The following RTN1 variants were observed in gnomAD, a reference collection of about 807,000 sequenced individuals.
The protein encoded by RTN1 is reticulon-1.
Under a neutral mutation model 65.5 loss-of-function variants are expected in RTN1, and 25 were observed. That is an observed-to-expected ratio of 0.38 (90% CI 0.28 to 0.53). The LOEUF is 0.53. Ranked by LOEUF, RTN1 falls within the 20% of genes least tolerant of loss-of-function variation. RTN1 has a pLI of 0.79. For synonymous variants in RTN1, 471 were observed against 447.6 expected (o/e 1.05, Z -0.66); for missense variants, 983 against 1,025.4 (o/e 0.96, Z 0.57).
intron 3 of RTN1, among the ~76,000 whole-genome samples, chr14:59,662,333 C>A (rs1566676607): frequency 6.9e-6 from 1 of 144,214 alleles, no homozygotes; most frequent in Non-Finnish European, 1.5e-5. Flanking sequence ...ACAACAGGCC[C>A]CGGTGTGTGA....
In RTN1 at chr14:59,635,643, C is replaced by T. The variant is rs182590856; in HGVS notation, c.1766-28151G>A. ...TATTTGTGTATTAAATATTTGTCAG[C>T]GGAAAAGAAAATAATTAGAATATAT... On this transcript the variant is annotated intron_variant, in intron 3 of 8. Transcript: ENST00000267484. 8.3e-3 allele frequency among the ~76,000 whole-genome samples: 1,259 copies of T among 151,402 alleles called. 15 individuals are homozygous for T. Among genetic ancestry groups the T allele is most frequent in the South Asian group, 0.026 (123 of 4,770 alleles).
rs1566710903 is a variant in RTN1 at position 59,749,148 on chromosome 14, ATC to A, written c.242-2669_242-2668del. On this transcript the variant is annotated intron_variant, in intron 1 of 8. Transcript: ENST00000267484. ...TAGATATATCTATATCTATCTATCTATCTATCTATATCTATCTATATATCTAT... is the reference window on the plus strand; with the variant it reads ...TAGATATATCTATATCTATCTATCTATATCTATATCTATCTATATATCTAT... Among the ~76,000 whole-genome samples the A allele has an allele frequency of 3.0e-4, 34 of 111,768 alleles. 1 individual carries two copies. Among genetic ancestry groups the A allele is most frequent in the African/African-American group, 1.3e-3 (29 of 23,032 alleles). 73.3% of individuals were successfully genotyped at this position (111,768 alleles called of 152,430 possible).
At chr14:59,631,055 G>A (rs1178104602) in intron 3 of RTN1, among the ~76,000 whole-genome samples, 2 of 152,188 alleles carry the variant, frequency 1.3e-5, no homozygotes, top group Non-Finnish European at 2.9e-5. Context: ...TGTTGCCACC[G>A]TTTACCTTTC....
intron 3 of RTN1, among the ~76,000 whole-genome samples, chr14:59,687,065 T>C (rs948659356): frequency 3.9e-5 from 6 of 151,900 alleles, no homozygotes; most frequent in African/African-American, 1.5e-4. Flanking sequence ...AGGCCCGGGG[T>C]GGGAGGAGAG....
At chr14:59,765,464 A>T (rs1019700347) in intron 1 of RTN1, among the ~76,000 whole-genome samples, 6 of 152,224 alleles carry the variant, frequency 3.9e-5, no homozygotes, top group Admixed American at 6.5e-5. Flanking sequence ...TCAGATAGTT[A>T]TTTGATTTCT....
intron 3 of RTN1, among the ~76,000 whole-genome samples, chr14:59,698,635 C>G (rs1354549655): frequency 6.6e-6 from 1 of 152,148 alleles, no homozygotes; most frequent in Non-Finnish European, 1.5e-5. Flanking sequence ...TAAGACGTGA[C>G]TTGCTCTTCC....
chr14:59,646,968 C>A (rs558320732), intron 3 of RTN1: 1 of 154,192 alleles, frequency 6.5e-6, no homozygotes, highest in East Asian at 1.9e-4. Context: ...GCTTCTTTAA[C>A]CAGCTTGTCA....
chr14:59,837,325 A>G (rs1887230340), intron 1 of RTN1, among the ~76,000 whole-genome samples: 1 of 151,950 alleles, frequency 6.6e-6, no homozygotes. Flanking sequence ...TTAAATGATA[A>G]AATGTAAAAA....
At chr14:59,768,465 G>A (rs1885891140) in intron 1 of RTN1, among the ~76,000 whole-genome samples, 3 of 152,138 alleles carry the variant, frequency 2.0e-5, no homozygotes, top group Admixed American at 2.0e-4. Context: ...GGAGGTAACT[G>A]GGGTGTGACT....
intron 1 of RTN1, among the ~76,000 whole-genome samples, chr14:59,775,567 C>A (rs1161158017): frequency 6.6e-6 from 1 of 152,132 alleles, no homozygotes; most frequent in Non-Finnish European, 1.5e-5. Flanking sequence ...CTCACTCAAT[C>A]CTTACAACAA....
At chr14:59,795,987 T>C (rs1886432039) in intron 1 of RTN1, among the ~76,000 whole-genome samples, 1 of 152,088 alleles carries the variant, frequency 6.6e-6, no homozygotes, top group Non-Finnish European at 1.5e-5. Flanking sequence ...CCAAGTACCA[T>C]GGGAGGTACT....
At chr14:59,655,259 A>G (rs1883099686) in intron 3 of RTN1, among the ~76,000 whole-genome samples, 1 of 152,228 alleles carries the variant, frequency 6.6e-6, no homozygotes, top group African/African-American at 2.4e-5. Context: ...AAGATGAGCA[A>G]AAGTCATACC....
At chr14:59,677,184 C>A (rs1195004071) in intron 3 of RTN1, among the ~76,000 whole-genome samples, 1 of 152,200 alleles carries the variant, frequency 6.6e-6, no homozygotes, top group East Asian at 1.9e-4. Context: ...TCCTTCTATA[C>A]CCATAGGTAC....
At chr14:59,717,628 G>T (rs1214294476) in intron 3 of RTN1, among the ~76,000 whole-genome samples, 2 of 152,170 alleles carry the variant, frequency 1.3e-5, no homozygotes, top group South Asian at 2.1e-4. Flanking sequence ...AGAGATGTTA[G>T]GTAGCATCCC....
At chr14:59,682,138 A>G (rs1260684533) in intron 3 of RTN1, among the ~76,000 whole-genome samples, 1 of 152,166 alleles carries the variant, frequency 6.6e-6, no homozygotes, top group African/African-American at 2.4e-5. Flanking sequence ...TACTTTCCAG[A>G]AAAATGGAAT....
At chr14:59,602,582 T>C (rs1881613923) in intron 8 of RTN1, among the ~76,000 whole-genome samples, 1 of 152,152 alleles carries the variant, frequency 6.6e-6, no homozygotes, top group African/African-American at 2.4e-5. Flanking sequence ...AATGGTGTGA[T>C]GTATTTAGTT....
intron 3 of RTN1, among the ~76,000 whole-genome samples, chr14:59,709,385 TGAGA>T (rs957627117): frequency 1.3e-5 from 2 of 152,324 alleles, no homozygotes; most frequent in African/African-American, 4.8e-5. Context: ...AAATCACAGA[TGAGA>T]GTTAGGTATT....
chr14:59,770,552 CATT>C (rs1295780506), intron 1 of RTN1, among the ~76,000 whole-genome samples: 1 of 151,992 alleles, frequency 6.6e-6, no homozygotes, highest in Non-Finnish European at 1.5e-5. Context: ...CAGAATTTAT[CATT>C]AAGAACCTTA....
intron 2 of RTN1, among the ~76,000 whole-genome samples, chr14:59,743,474 G>A (rs571199827): frequency 6.6e-5 from 10 of 152,150 alleles, no homozygotes; most frequent in South Asian, 2.1e-4. Context: ...GTATCTTTAC[G>A]GCAGGAAATA....
Sources: gnomAD v4.1 joint callset for allele counts (sites outside exome capture counted in the v4.1 genomes callset) on GRCh38, gnomAD v4.1.1 for gene constraint, MANE v1.5 for transcripts, NCBI Gene and HGNC (gene_info 2026-07-23, HGNC 2026-07-21) for gene names.